Variants in NOL4 observed in about 807,000 individuals in gnomAD.
NOL4 encodes the protein cancer/testis antigen 125.
In NOL4, 17 loss-of-function variants were observed where a neutral mutation model predicts 75.9. The observed-to-expected ratio is 0.22, with a 90% CI of 0.15 to 0.34. NOL4 has a LOEUF of 0.34. Ranked by LOEUF, NOL4 falls within the 10% of genes least tolerant of loss-of-function variation. The pLI, the probability that NOL4 is intolerant of heterozygous loss-of-function variation, is 1.00. For synonymous variants in NOL4, 292 were observed against 289.9 expected (o/e 1.01, Z -0.07); for missense variants, 614 against 793.5 (o/e 0.77, Z 2.72).
At chr18:34,109,664 C>T (rs1441096287) in intron 2 of NOL4, among the ~76,000 whole-genome samples, 1 of 150,640 alleles carries the variant, frequency 6.6e-6, no homozygotes, top group Non-Finnish European at 1.5e-5. Context: ...TAATAAGGAT[C>T]AGAATAGAAA....
At chr18:33,965,839 G>A (rs1170626806) in intron 6 of NOL4, among the ~76,000 whole-genome samples, 3 of 151,950 alleles carry the variant, frequency 2.0e-5, no homozygotes, top group African/African-American at 7.3e-5. Context: ...TTTATTAGCA[G>A]CATAAGAATG....
At chr18:33,918,599 T>A (rs1009117632) in intron 9 of NOL4, among the ~76,000 whole-genome samples, 1 of 152,228 alleles carries the variant, frequency 6.6e-6, no homozygotes, top group Non-Finnish European at 1.5e-5. Flanking sequence ...AGGCAGTGTC[T>A]GTGCATTTGT....
At chr18:34,133,272 C>CAAAAAAA (rs1230503382) in intron 1 of NOL4, among the ~76,000 whole-genome samples, 1 of 57,900 alleles carries the variant, frequency 1.7e-5, no homozygotes, top group African/African-American at 5.2e-5. Context: ...AACTCCGTCT[C>CAAAAAAA]AAAAAAAAAA....
intron 1 of NOL4, among the ~76,000 whole-genome samples, chr18:34,176,444 C>A (rs955803001): frequency 6.6e-6 from 1 of 152,032 alleles, no homozygotes; most frequent in African/African-American, 2.4e-5. Flanking sequence ...ATTTACACAT[C>A]CAGAAAACAC....
intron 10 of NOL4, among the ~76,000 whole-genome samples, chr18:33,856,304 G>C (rs920168843): frequency 6.6e-6 from 1 of 152,000 alleles, no homozygotes; most frequent in Non-Finnish European, 1.5e-5. Context: ...CAAAAACCAC[G>C]ATGGTTTAAT....
intron 1 of NOL4, among the ~76,000 whole-genome samples, chr18:34,175,903 T>C (rs1010712698): frequency 1.3e-5 from 2 of 152,070 alleles, no homozygotes; most frequent in African/African-American, 4.8e-5. Context: ...TATAATATTA[T>C]TTAAAATATC....
At chr18:34,076,229 G>A (rs1248877676) in intron 5 of NOL4, among the ~76,000 whole-genome samples, 1 of 152,080 alleles carries the variant, frequency 6.6e-6, no homozygotes, top group Non-Finnish European at 1.5e-5. Context: ...TAGCAAAGTT[G>A]GCTTGGCAAA....
At chr18:34,057,285 C>T (rs567655098) in intron 5 of NOL4, among the ~76,000 whole-genome samples, 1 of 152,284 alleles carries the variant, frequency 6.6e-6, no homozygotes, top group South Asian at 2.1e-4. Context: ...CACACATGTG[C>T]ATATGTACAC....
At chr18:34,109,225 A>AG (rs1285972620) in intron 2 of NOL4, among the ~76,000 whole-genome samples, 1 of 152,138 alleles carries the variant, frequency 6.6e-6, no homozygotes, top group Non-Finnish European at 1.5e-5. Context: ...CATTAAAAAA[A>AG]AAGAGCCAGA....
At chr18:34,217,191 T>G (rs1288535497) in intron 1 of NOL4, among the ~76,000 whole-genome samples, 1 of 152,146 alleles carries the variant, frequency 6.6e-6, no homozygotes, top group Non-Finnish European at 1.5e-5. Context: ...AACAGTCATT[T>G]TTTCTTCCAA....
At chr18:34,076,928 C>T (rs1003247603) in intron 5 of NOL4, among the ~76,000 whole-genome samples, 3 of 152,098 alleles carry the variant, frequency 2.0e-5, no homozygotes, top group African/African-American at 7.2e-5. Context: ...TATATTTGAT[C>T]TGCACACACA....
chr18:33,872,708 T>C (rs1057045560), intron 10 of NOL4, among the ~76,000 whole-genome samples: 8 of 152,012 alleles, frequency 5.3e-5, no homozygotes, highest in African/African-American at 1.9e-4. Flanking sequence ...AAACTTGAAA[T>C]AGATCCCGGT....
intron 6 of NOL4, among the ~76,000 whole-genome samples, chr18:34,004,787 G>A (rs187734241): frequency 4.6e-5 from 7 of 152,070 alleles, no homozygotes; most frequent in Admixed American, 2.0e-4. Context: ...AATCTTCCCA[G>A]ACCACCTCAA....
At chr18:34,221,924 G>A in intron 1 of NOL4, 2 of 1,007,224 alleles carry the variant, frequency 2.0e-6, no homozygotes, top group South Asian at 1.5e-5. Flanking sequence ...TACAGGAGGG[G>A]GGAAAGGAAG....
intron 1 of NOL4, among the ~76,000 whole-genome samples, chr18:34,182,029 C>A (rs1284801589): frequency 1.3e-5 from 2 of 151,386 alleles, no homozygotes; most frequent in Non-Finnish European, 3.0e-5. Context: ...ACAAACTGAC[C>A]ATATGACCCA....
At chr18:34,000,453 T>C (rs867734561) in intron 6 of NOL4, among the ~76,000 whole-genome samples, 1 of 152,048 alleles carries the variant, frequency 6.6e-6, no homozygotes, top group African/African-American at 2.4e-5. Flanking sequence ...CTAACTATCA[T>C]AGAGTAAGGA....
At chr18:33,898,519 T>C (rs946151781) in intron 9 of NOL4, among the ~76,000 whole-genome samples, 2 of 152,152 alleles carry the variant, frequency 1.3e-5, no homozygotes, top group African/African-American at 2.4e-5. Flanking sequence ...GTGTTCCTTG[T>C]TCTAGTTAAT....
chr18:34,143,262 CATACATA>C (rs977274921), intron 1 of NOL4, among the ~76,000 whole-genome samples: 1 of 152,026 alleles, frequency 6.6e-6, no homozygotes, highest in Non-Finnish European at 1.5e-5. Flanking sequence ...CTCTTGAAAA[CATACATA>C]ATACATAAGG....
chr18:34,066,496 G>T (rs569352033), intron 5 of NOL4, among the ~76,000 whole-genome samples: 34 of 151,892 alleles, frequency 2.2e-4, no homozygotes, highest in African/African-American at 8.2e-4. Context: ...AAACAATATT[G>T]AACTATTTAC....
Sources: gnomAD v4.1 joint callset for allele counts (sites outside exome capture counted in the v4.1 genomes callset) on GRCh38, gnomAD v4.1.1 for gene constraint, MANE v1.5 for transcripts, NCBI Gene and HGNC (gene_info 2026-07-23, HGNC 2026-07-21) for gene names.